Variants in TCHHL1 observed in about 807,000 individuals in gnomAD.
The protein encoded by TCHHL1 is trichohyalin-like protein 1.
TCHHL1 carries 1 observed loss-of-function variant against 3.5 expected under a neutral mutation model. That is an observed-to-expected ratio of 0.29 (90% CI 0.10 to 1.36). The LOEUF is 1.36. TCHHL1 is among the 40% of genes most tolerant of loss of function. The probability of loss-of-function intolerance (pLI) is 0.43; values close to 1 mark genes in which losing one functional copy is unlikely to be tolerated. For synonymous variants in TCHHL1, 405 were observed against 375.3 expected, an observed-to-expected ratio of 1.08 and a Z score of -0.92; for missense variants, 1,027 against 1,032.8, an observed-to-expected ratio of 0.99 and a Z score of 0.08.
At position 152,085,390 on chromosome 1, in the gene TCHHL1, T is replaced by G; in HGVS notation, c.2292A>C (p.Pro764=). ...CTGAAGAATTGTGCTCTTTCTTGGC[T>G]GGACTTTTTTGGTCACCACCTTCTC... is the stretch of plus-strand genomic sequence containing the variant. ...LAGEGGDQKS[P]AKKEHNSSVP... Residue 764 remains proline (P), a synonymous_variant, in exon 3 of 3, where the codon CCA becomes CCC. Transcript: ENST00000368806. 6.2e-7 allele frequency: 1 copy of G among 1,614,214 alleles called. No individual in the cohort carries two copies. The highest frequency in any genetic ancestry group is 8.5e-7 in the Non-Finnish European group (1 of 1,180,036).
chr1:152,088,992 C>T (rs918083587), intron 1 of TCHHL1, 28 bp downstream of exon 1: 1 of 151,992 alleles, frequency 6.6e-6, no homozygotes, highest in African/African-American at 2.4e-5. Context: ...AACTGAAATC[C>T]CAAGTATGCT....
At position 152,085,613 on chromosome 1, in the gene TCHHL1, G is replaced by A. The variant is rs1657705708; in HGVS notation, c.2069C>T (p.Pro690Leu). 1 of 1,614,020 alleles carries A rather than the reference G, an allele frequency of 6.2e-7. No individual in the cohort carries two copies. The highest frequency in any genetic ancestry group is 1.3e-5 in the African/African-American group (1 of 74,912). The change falls in exon 3 of 3, where the codon CCT (proline) becomes CTT (leucine). Residue 690 changes from proline to leucine, a missense_variant. By Grantham distance (98) the Pro-to-Leu change is moderately conservative. Around this residue, in one of 3 missense-constraint regions of TCHHL1, gnomAD observed 673 missense variants for 658.6 expected, o/e 1.02. Transcript: ENST00000368806. Reference sequence around the variant, plus strand: ...TTCATTTCTGCTATCTCCCTTTCCAGGGAGCTGCATTAGGGAAAGCTGGTC... The same window carrying A: ...TTCATTTCTGCTATCTCCCTTTCCAAGGAGCTGCATTAGGGAAAGCTGGTC... ...FTDQLSLMQL[P>L]GKGDSRNELK...
At chr1:152,087,783 T>G (rs1488205958) in intron 2 of TCHHL1, among the ~76,000 whole-genome samples, 2 of 152,192 alleles carry the variant, frequency 1.3e-5, no homozygotes, top group African/African-American at 4.8e-5. Context: ...CTTTCAGAAG[T>G]CAGCTTTGCA....
Position 152,087,474 on chromosome 1 carries a change from A to C in TCHHL1, c.208T>G (p.Phe70Val). The C allele has an allele frequency of 2.5e-6, 4 of 1,603,642 alleles. No homozygotes were observed. Among genetic ancestry groups the C allele is most frequent in the Non-Finnish European group, 3.4e-6 (4 of 1,179,666 alleles). Residue 70 changes from phenylalanine to valine, a missense_variant, in exon 3 of 3, where the codon TTT (phenylalanine) becomes GTT (valine). This residue lies in a region of TCHHL1 where 338 missense variants were observed against 335.9 expected (regional missense o/e 1.01). Coordinates refer to ENST00000368806, the MANE Select transcript of TCHHL1 (RefSeq NM_001008536.2). ...LNIDSNGIIS[F>V]DEFVLAIFNL... is the part of the protein sequence containing the mutation. ...AAGATTGCAAGAACAAATTCATCAA[A>C]ACTGATGATGCCATTACTGTCAATA...
In TCHHL1 at chr1:152,087,136, G is replaced by T. The variant is rs758769556; in HGVS notation, c.546C>A (p.His182Gln). Reference protein sequence around the residue: ...ASEHNDPKNKHLEGDEQSQEV... With the variant: ...ASEHNDPKNKQLEGDEQSQEV... ...CCTGACTTTGTTCATCTCCTTCCAG[G>T]TGTTTGTTCTTAGGATCATTGTGTT... Residue 182 changes from histidine to glutamine, a missense_variant, in exon 3 of 3, where the codon CAC becomes CAA. Coordinates refer to ENST00000368806, the MANE Select transcript of TCHHL1 (RefSeq NM_001008536.2). 1.2e-6 allele frequency: 2 copies of T among 1,614,094 alleles called. No individual in the cohort carries two copies. The highest frequency in any genetic ancestry group is 1.7e-6 in the Non-Finnish European group (2 of 1,180,018).
chr1:152,088,193 T>G, intron 1 of TCHHL1, 30 bp from the exon 2 acceptor site: 1 of 1,505,504 alleles, frequency 6.6e-7, no homozygotes, highest in Non-Finnish European at 8.9e-7. Flanking sequence ...AAGCTCATTT[T>G]CCAGGATGGG....
In TCHHL1 at chr1:152,086,018, GAAGCC is replaced by G. The variant is rs747627150; in HGVS notation, c.1659_1663del (p.Ala554ArgfsTer5). Reference sequence around the variant, plus strand: ...CTCTGAGCTGCTATTGCCTTCCTCTGAAGCCAGGCTGTTGGGAGTTTCAGAAGACC... The same window carrying G: ...CTCTGAGCTGCTATTGCCTTCCTCTGAGGCTGTTGGGAGTTTCAGAAGACC... On this transcript the variant is annotated frameshift_variant, in exon 3 of 3. Coordinates refer to ENST00000368806, the MANE Select transcript of TCHHL1 (RefSeq NM_001008536.2). LOFTEE classifies it low-confidence loss of function (END_TRUNC). 10 of 1,614,190 alleles carry G rather than the reference GAAGCC, an allele frequency of 6.2e-6. No homozygotes were observed. The East Asian group carries it at 2.2e-4, about 36-fold the overall frequency.
In TCHHL1 at chr1:152,086,802, G is replaced by A. The variant is rs61749316; in HGVS notation, c.880C>T (p.Gln294Ter). The A allele has an allele frequency of 1.1e-3, 1,772 of 1,614,158 alleles. 18 individuals are homozygous for A. The African/African-American group carries it at 0.017, about 16-fold the overall frequency. Residue 294 changes from glutamine to a stop codon, truncating the protein, a stop_gained, in exon 3 of 3, where the codon CAA (glutamine) becomes TAA (stop). Coordinates refer to ENST00000368806, the MANE Select transcript of TCHHL1 (RefSeq NM_001008536.2). LOFTEE classifies it low-confidence loss of function (END_TRUNC). ...TGTGAACTGGGCTCATCTTCTCTTT[G>A]TAGGGGTGGTTCTTGTATATTAGAG... ...KHSNIQEPPL[Q>*]REDEPSSQHA... is the part of the protein sequence containing the mutation.
At position 152,084,934 on chromosome 1, in the gene TCHHL1, G is replaced by A. The variant is rs2101503318; in HGVS notation, c.*33C>T. 2 of 1,590,240 alleles carry A rather than the reference G, an allele frequency of 1.3e-6. No individual in the cohort carries two copies. The highest frequency in any genetic ancestry group is 1.7e-6 in the Non-Finnish European group (2 of 1,166,888). ...ACGTGAGTATTGAGGGTGATTGGGAGAGAAATTGGGGGCATGTTGAGATGA... is the reference window on the plus strand; with the variant it reads ...ACGTGAGTATTGAGGGTGATTGGGAAAGAAATTGGGGGCATGTTGAGATGA... On this transcript the variant is annotated 3_prime_UTR_variant, in exon 3 of 3. Transcript: ENST00000368806.
chr1:152,086,156 G>C lies in TCHHL1; in HGVS notation c.1526C>G (p.Ser509Cys). 1 of 1,614,184 alleles carries C rather than the reference G, an allele frequency of 6.2e-7. No homozygotes were observed. The highest frequency in any genetic ancestry group is 8.5e-7 in the Non-Finnish European group (1 of 1,180,038). Reference protein sequence around the residue: ...TQDLAPLEKQSVGENTRVTKT... With the variant: ...TQDLAPLEKQCVGENTRVTKT... ...GGTGACCCTAGTATTTTCTCCTACA[G>C]ACTGCTTCTCAAGTGGTGCTAAATC... The change falls in exon 3 of 3, where the codon TCT becomes TGT. Residue 509 changes from serine (S) to cysteine (C), a missense_variant. Physicochemically the swap from Ser to Cys is moderately radical, Grantham distance 112 (BLOSUM62 -1). Coordinates refer to ENST00000368806, the MANE Select transcript of TCHHL1 (RefSeq NM_001008536.2).
Position 152,085,180 on chromosome 1 carries a change from A to C in TCHHL1, c.2502T>G (p.Leu834=), listed in dbSNP as rs772258341. 1.9e-6 allele frequency: 3 copies of C among 1,614,156 alleles called. No individual in the cohort carries two copies. Among genetic ancestry groups the C allele is most frequent in the Admixed American group, 1.7e-5 (1 of 60,024 alleles). Residue 834 remains leucine, a synonymous_variant, in exon 3 of 3, where the codon CTT becomes CTG. Coordinates refer to ENST00000368806, the MANE Select transcript of TCHHL1 (RefSeq NM_001008536.2). ...VQIAQASGPE[L]CSVSLTSEIS... ...TCTCACTGGTGAGGGATACACTGCAAAGCTCTGGGCCTGATGCCTGGGCTA... is the reference window on the plus strand; with the variant it reads ...TCTCACTGGTGAGGGATACACTGCACAGCTCTGGGCCTGATGCCTGGGCTA...
chr1:152,085,635 G>T lies in TCHHL1; in HGVS notation c.2047C>A (p.Gln683Lys). 6.2e-7 allele frequency: 1 copy of T among 1,614,158 alleles called. No individual in the cohort carries two copies. The highest frequency in any genetic ancestry group is 8.5e-7 in the Non-Finnish European group (1 of 1,180,036). ...CCAGGGAGCTGCATTAGGGAAAGCTGGTCAGTGAAGTCTTCATCCAGGGCA... is the reference window on the plus strand; with the variant it reads ...CCAGGGAGCTGCATTAGGGAAAGCTTGTCAGTGAAGTCTTCATCCAGGGCA... The part of the protein sequence containing the change: ...TGALDEDFTD[Q>K]LSLMQLPGKG... The change falls in exon 3 of 3, where the codon CAG (glutamine) becomes AAG (lysine). Residue 683 changes from glutamine to lysine, a missense_variant. Gln to Lys is a moderately conservative substitution (Grantham distance 53). Around this residue, in one of 3 missense-constraint regions of TCHHL1, gnomAD observed 673 missense variants for 658.6 expected, o/e 1.02. Transcript: ENST00000368806.
At position 152,085,400 on chromosome 1, in the gene TCHHL1, T is replaced by A. The variant is rs1375809055; in HGVS notation, c.2282A>T (p.Gln761Leu). 6.2e-7 allele frequency: 1 copy of A among 1,614,236 alleles called. No individual in the cohort carries two copies. The highest frequency in any genetic ancestry group is 2.2e-5 in the East Asian group (1 of 44,884). The change falls in exon 3 of 3, where the codon CAA becomes CTA. Residue 761 changes from glutamine to leucine, a missense_variant. Physicochemically the swap from Gln to Leu is moderately radical, Grantham distance 113. This residue lies in a region of TCHHL1 where 673 missense variants were observed against 658.6 expected (regional missense o/e 1.02). Transcript: ENST00000368806. ...GTGCTCTTTCTTGGCTGGACTTTTT[T>A]GGTCACCACCTTCTCCTGCCAGCTC... ...PQELAGEGGD[Q>L]KSPAKKEHNS...
In TCHHL1 at chr1:152,086,086, C is replaced by T. The variant is rs267598022; in HGVS notation, c.1596G>A (p.Gly532=). ...GTGTGAATGGTGACTCAGGGTCCTCCCCCTGGTAACCATCCTCCTCCTCAA... is the reference window on the plus strand; with the variant it reads ...GTGTGAATGGTGACTCAGGGTCCTCTCCCTGGTAACCATCCTCCTCCTCAA... ...QPVEEEDGYQ[G]EDPESPFTQS... is the part of the protein sequence containing the mutation. The change falls in exon 3 of 3, where the codon GGG becomes GGA. Residue 532 remains glycine, a synonymous_variant. Transcript: ENST00000368806. The T allele has an allele frequency of 6.2e-7, 1 of 1,614,126 alleles. No individual in the cohort carries two copies.
Position 152,088,087 on chromosome 1 carries a change from G to A in TCHHL1, c.57C>T (p.Ala19=), listed in dbSNP as rs1182036218. 1.2e-6 allele frequency: 2 copies of A among 1,609,882 alleles called. No individual in the cohort carries two copies. The highest frequency in any genetic ancestry group is 1.7e-6 in the Non-Finnish European group (2 of 1,178,602). The change falls in exon 2 of 3, where the codon GCC becomes GCT. Residue 19 remains alanine, a synonymous_variant. Transcript: ENST00000368806. ...LCVIETFHKY[A]SEDSNGATLT... ...GTGTTGCCCCGTTACTGTCCTCACT[G>A]GCATATTTGTGGAATGTCTCAATTA...
At position 152,086,157 on chromosome 1, in the gene TCHHL1, A is replaced by T. The variant is rs1657718992; in HGVS notation, c.1525T>A (p.Ser509Thr). 2.5e-6 allele frequency: 4 copies of T among 1,613,962 alleles called. No individual in the cohort carries two copies. The highest frequency in any genetic ancestry group is 3.4e-6 in the Non-Finnish European group (4 of 1,179,984). Reference protein sequence around the residue: ...TQDLAPLEKQSVGENTRVTKT... With the variant: ...TQDLAPLEKQTVGENTRVTKT... ...GTGACCCTAGTATTTTCTCCTACAG[A>T]CTGCTTCTCAAGTGGTGCTAAATCT... The change falls in exon 3 of 3, where the codon TCT (serine) becomes ACT (threonine). Residue 509 changes from serine to threonine, a missense_variant. Ser to Thr is a moderately conservative substitution (Grantham distance 58). Coordinates refer to ENST00000368806, the MANE Select transcript of TCHHL1 (RefSeq NM_001008536.2).
At position 152,086,738 on chromosome 1, in the gene TCHHL1, G is replaced by A. The variant is rs1281702301; in HGVS notation, c.944C>T (p.Pro315Leu). The A allele has an allele frequency of 6.2e-7, 1 of 1,614,064 alleles. No individual in the cohort carries two copies. Among genetic ancestry groups the A allele is most frequent in the East Asian group, 2.2e-5 (1 of 44,900 alleles). ...DLPEQAAARS[P>L]SQTQKSTDSK... Reference sequence around the variant, plus strand: ...ATCAGTTGATTTCTGTGTCTGAGATGGTGACCTGGCAGCAGCTTGTTCTGG... The same window carrying A: ...ATCAGTTGATTTCTGTGTCTGAGATAGTGACCTGGCAGCAGCTTGTTCTGG... The change falls in exon 3 of 3, where the codon CCA becomes CTA. Residue 315 changes from proline (P) to leucine (L), a missense_variant. Pro to Leu is a moderately conservative substitution (Grantham distance 98). This residue lies in a region of TCHHL1 where 16 missense variants were observed against 38.3 expected (regional missense o/e 0.42). Transcript: ENST00000368806.
At position 152,087,287 on chromosome 1, in the gene TCHHL1, CTCTTT is replaced by C. The variant is rs1424829218; in HGVS notation, c.390_394del (p.Lys131AspfsTer15). ...TGATGCCATTCCTGAAGGAAGCATC[CTCTTT>C]TCTTGAGTTGGTGAAGTTCCCACTG... is the stretch of plus-strand genomic sequence containing the variant. On this transcript the variant is annotated frameshift_variant, in exon 3 of 3. Coordinates refer to ENST00000368806, the MANE Select transcript of TCHHL1 (RefSeq NM_001008536.2). LOFTEE classifies it low-confidence loss of function (END_TRUNC). 1 of 1,613,940 alleles carries C rather than the reference CTCTTT, an allele frequency of 6.2e-7. No individual in the cohort carries two copies. The highest frequency in any genetic ancestry group is 8.5e-7 in the Non-Finnish European group (1 of 1,180,018).
Position 152,086,351 on chromosome 1 carries a change from G to C in TCHHL1, c.1331C>G (p.Thr444Arg). 1.9e-6 allele frequency: 3 copies of C among 1,614,162 alleles called. No homozygotes were observed. Among genetic ancestry groups the C allele is most frequent in the Non-Finnish European group, 2.5e-6 (3 of 1,180,032 alleles). Reference sequence around the variant, plus strand: ...TCCTCCTTCTGAGCTTAGATATTGTGTCTCAGAACCTTTTTCAGCATCTTT... The same window carrying C: ...TCCTCCTTCTGAGCTTAGATATTGTCTCTCAGAACCTTTTTCAGCATCTTT... The part of the protein sequence containing the change: ...KSKDAEKGSE[T>R]QYLSSEGGDQ... Residue 444 changes from threonine (T) to arginine (R), a missense_variant, in exon 3 of 3, where the codon ACA (threonine) becomes AGA (arginine). Around this residue, in one of 3 missense-constraint regions of TCHHL1, gnomAD observed 673 missense variants for 658.6 expected, o/e 1.02. Transcript: ENST00000368806.
Sources: allele counts gnomAD v4.1 joint callset (sites outside exome capture counted in the v4.1 genomes callset), GRCh38; gene constraint gnomAD v4.1.1; regional missense constraint gnomAD v4.1.1; transcripts MANE v1.5; gene names NCBI Gene and HGNC (gene_info 2026-07-23, HGNC 2026-07-21).